The following FOCAD variants were observed in gnomAD, a reference collection of about 807,000 sequenced individuals.
The protein encoded by FOCAD is focadhesin.
FOCAD carries 198 observed loss-of-function variants against 225.6 expected under a neutral mutation model. That is an observed-to-expected ratio of 0.88 (90% CI 0.78 to 0.99). The LOEUF (loss-of-function observed/expected upper bound fraction) is 0.99, where lower values mean the gene tolerates loss of function less well. FOCAD is among the 50% of genes least tolerant of loss of function. The pLI, the probability that FOCAD is intolerant of heterozygous loss-of-function variation, is 0.00. For missense variants in FOCAD, 2,713 were observed against 2,123.6 expected (o/e 1.28, Z -5.46); for synonymous variants, 897 against 755.0 (o/e 1.19, Z -3.08).
At chr9:20,920,848 G>A (rs1453860756) in intron 24 of FOCAD, among the ~76,000 whole-genome samples, 1 of 150,972 alleles carries the variant, frequency 6.6e-6, no homozygotes, top group Admixed American at 6.6e-5. Context: ...AGCATTAGGA[G>A]ATATACCTAA....
chr9:20,939,563 C>G (rs1460626297), intron 28 of FOCAD, among the ~76,000 whole-genome samples: 1 of 152,104 alleles, frequency 6.6e-6, no homozygotes, highest in African/African-American at 2.4e-5. Flanking sequence ...GGATGAATTA[C>G]CCACCATACA....
Position 20,866,917 on chromosome 9 carries a change from T to TTTTTTAAAAA in FOCAD, c.2107-12_2107-11insTTTTTAAAAA. On this transcript the variant is annotated splice_polypyrimidine_tract_variant and intron_variant, in intron 17 of 43. Transcript: ENST00000338382. ...TTTTTTTTTTTTTTTTTTTTTTTTTTACCCTATCTAGGACCCAATTGTAGC... is the reference window on the plus strand; with the variant it reads ...TTTTTTTTTTTTTTTTTTTTTTTTTTTTTTTAAAAAACCCTATCTAGGACCCAATTGTAGC... 3 of 764,972 alleles carry TTTTTTAAAAA rather than the reference T, an allele frequency of 3.9e-6. No homozygotes were observed. Among genetic ancestry groups the TTTTTTAAAAA allele is most frequent in the Non-Finnish European group, 6.0e-6 (3 of 498,468 alleles). 47.4% of individuals were successfully genotyped at this position (764,972 alleles called of 1,614,324 possible). A position where few individuals can be genotyped will look rare whatever the true frequency, so the allele number is the denominator to read the frequency against.
At chr9:20,812,126 T>G (rs1222698481) in intron 11 of FOCAD, among the ~76,000 whole-genome samples, 2 of 152,084 alleles carry the variant, frequency 1.3e-5, no homozygotes, top group Admixed American at 6.6e-5. Context: ...ACTTTTGTAA[T>G]TCAGGTCTAG....
chr9:20,742,699 G>A (rs370958634), intron 5 of FOCAD, among the ~76,000 whole-genome samples: 9 of 152,288 alleles, frequency 5.9e-5, no homozygotes, highest in Non-Finnish European at 1.2e-4. Flanking sequence ...TGTCTTCACC[G>A]TGTGCAATTG....
chr9:20,761,122 C>T (rs1183029626), intron 6 of FOCAD, among the ~76,000 whole-genome samples: 1 of 152,024 alleles, frequency 6.6e-6, no homozygotes, highest in Non-Finnish European at 1.5e-5. Context: ...CCTCCTGTCT[C>T]AGCCTTCTGA....
At chr9:20,929,277 T>A in intron 26 of FOCAD, 81 bp from the exon 27 acceptor site, 1 of 1,047,942 alleles carries the variant, frequency 9.5e-7, no homozygotes, top group Non-Finnish European at 1.4e-6. Flanking sequence ...GAAGCTTGTG[T>A]GGTTGTATAG....
chr9:20,663,757 T>G (rs1821811485), intron 2 of FOCAD, among the ~76,000 whole-genome samples: 1 of 152,210 alleles, frequency 6.6e-6, no homozygotes, highest in African/African-American at 2.4e-5. Flanking sequence ...CTGAAAGACT[T>G]TCCTTTTCAG....
intron 15 of FOCAD, among the ~76,000 whole-genome samples, chr9:20,847,912 A>G (rs1422032584): frequency 1.3e-5 from 2 of 152,100 alleles, no homozygotes; most frequent in Admixed American, 6.6e-5. Flanking sequence ...ATTAATTTTA[A>G]TTATAGAAAA....
chr9:20,796,163 C>T (rs886372791), intron 11 of FOCAD, among the ~76,000 whole-genome samples: 2 of 152,156 alleles, frequency 1.3e-5, no homozygotes, highest in African/African-American at 4.8e-5. Context: ...TTTATGGCTG[C>T]ATAGTATTCC....
At chr9:20,756,809 C>G (rs1829095630) in intron 5 of FOCAD, among the ~76,000 whole-genome samples, 3 of 152,144 alleles carry the variant, frequency 2.0e-5, no homozygotes, top group African/African-American at 7.2e-5. Flanking sequence ...GATTGTTACT[C>G]TTTTTTGAAA....
intron 1 of FOCAD, among the ~76,000 whole-genome samples, chr9:20,687,651 G>A (rs779320838): frequency 4.6e-5 from 7 of 152,274 alleles, no homozygotes; most frequent in Non-Finnish European, 1.0e-4. Context: ...AAACACTTAA[G>A]TAAATGTGAT....
chr9:20,704,941 A>G (rs1184492198), intron 1 of FOCAD, among the ~76,000 whole-genome samples: 4 of 152,188 alleles, frequency 2.6e-5, no homozygotes, highest in Non-Finnish European at 5.9e-5. Context: ...ATTATCCACA[A>G]TTGGTACATT....
At chr9:20,759,802 C>G (rs919636917) in intron 6 of FOCAD, among the ~76,000 whole-genome samples, 2 of 152,150 alleles carry the variant, frequency 1.3e-5, no homozygotes, top group Non-Finnish European at 2.9e-5. Context: ...GGAAAGTTGG[C>G]TAGAATAATT....
At chr9:20,701,046 T>G (rs60838440) in intron 1 of FOCAD, among the ~76,000 whole-genome samples, 1 of 151,954 alleles carries the variant, frequency 6.6e-6, no homozygotes, top group Non-Finnish European at 1.5e-5. Context: ...CCCTTCAGAA[T>G]GAGACAAGAA....
intron 11 of FOCAD, among the ~76,000 whole-genome samples, chr9:20,802,840 C>T (rs1297485052): frequency 6.6e-6 from 1 of 152,120 alleles, no homozygotes; most frequent in African/African-American, 2.4e-5. Flanking sequence ...TGCTTTAGCA[C>T]AATGAATGTG....
At chr9:20,764,504 G>A (rs1014556042) in intron 6 of FOCAD, among the ~76,000 whole-genome samples, 10 of 152,264 alleles carry the variant, frequency 6.6e-5, no homozygotes, top group East Asian at 3.9e-4. Context: ...TGCCTGCCTC[G>A]GCCTCCCAAA....
intron 14 of FOCAD, among the ~76,000 whole-genome samples, 165 bp from the exon 15 acceptor site, chr9:20,822,820 ATCAT>A (rs1824468600): frequency 1.6e-5 from 1 of 64,504 alleles, no homozygotes; most frequent in African/African-American, 5.2e-5. Flanking sequence ...GCAGAAAATG[ATCAT>A]GATGCACATT....
upstream of FOCAD, among the ~76,000 whole-genome samples, chr9:20,656,589 A>G (rs929354141): frequency 7.2e-5 from 11 of 151,744 alleles, no homozygotes; most frequent in Non-Finnish European, 1.5e-4. Flanking sequence ...ATCAGAGACT[A>G]GTATTGCAAC....
intron 15 of FOCAD, among the ~76,000 whole-genome samples, chr9:20,826,783 A>C (rs551333838): frequency 3.9e-5 from 6 of 152,066 alleles, no homozygotes; most frequent in Middle Eastern, 3.4e-3. Context: ...CTCTTTGGTT[A>C]CTCCCGGGCT....
Sources: gnomAD v4.1 joint callset for allele counts (sites outside exome capture counted in the v4.1 genomes callset) on GRCh38, gnomAD v4.1.1 for gene constraint, MANE v1.5 for transcripts, NCBI Gene and HGNC (gene_info 2026-07-23, HGNC 2026-07-21) for gene names.